The following IGSF11 variants were observed in gnomAD, a reference collection of about 807,000 sequenced individuals.
IGSF11 encodes the protein CXADR like 1.
A neutral mutation model predicts 41.0 loss-of-function variants in IGSF11; 22 were observed. The observed-to-expected ratio is 0.54, with a 90% CI of 0.38 to 0.77. IGSF11 has a LOEUF of 0.77. Among genes scored for constraint, IGSF11 ranks in the 30% least tolerant of loss-of-function variants. The pLI, the probability that IGSF11 is intolerant of heterozygous loss-of-function variation, is 0.00. For missense variants in IGSF11, 444 were observed against 530.8 expected (o/e 0.84, Z 1.61); for synonymous variants, 219 against 201.3 (o/e 1.09, Z -0.74).
At chr3:119,103,533 T>C (rs1278085124) in intron 1 of IGSF11, among the ~76,000 whole-genome samples, 2 of 152,186 alleles carry the variant, frequency 1.3e-5, no homozygotes, top group Admixed American at 1.3e-4. Context: ...AAGCCAAGAA[T>C]TTCTGGATTA....
At position 118,940,362 on chromosome 3, in the gene IGSF11, G is replaced by C. The variant is rs147910167; in HGVS notation, c.53-10087C>G. ...AGAAATCAAGGCTAATATACAAATA[G>C]CAACGATTTTTCTATACAGTAGCAA... On this transcript the variant is annotated intron_variant, in intron 1 of 6. Coordinates refer to ENST00000393775, the MANE Select transcript of IGSF11 (RefSeq NM_001015887.3). 8.7e-4 allele frequency among the ~76,000 whole-genome samples: 132 copies of C among 152,150 alleles called. No homozygotes were observed. The East Asian group carries it at 0.014, about 16-fold the overall frequency.
intron 1 of IGSF11, among the ~76,000 whole-genome samples, chr3:118,930,753 G>A (rs1490857834): frequency 2.6e-5 from 4 of 152,188 alleles, no homozygotes; most frequent in African/African-American, 9.7e-5. Flanking sequence ...AATAAATGCA[G>A]AGATATGTAA....
At chr3:119,141,979 T>A (rs1388233447) in intron 1 of IGSF11, among the ~76,000 whole-genome samples, 2 of 151,960 alleles carry the variant, frequency 1.3e-5, no homozygotes, top group African/African-American at 4.8e-5. Context: ...ATAATTAGTG[T>A]ATCAAAAAGT....
At chr3:118,994,684 T>C (rs549821530) in intron 1 of IGSF11, among the ~76,000 whole-genome samples, 31 of 152,312 alleles carry the variant, frequency 2.0e-4, no homozygotes, top group African/African-American at 7.5e-4. Flanking sequence ...ATAGTGGGCC[T>C]AATACCCAAG....
At chr3:118,944,519 TTTC>T (rs1363307118) in intron 1 of IGSF11, among the ~76,000 whole-genome samples, 1 of 149,504 alleles carries the variant, frequency 6.7e-6, no homozygotes, top group Non-Finnish European at 1.5e-5. Context: ...ATCCCTCTCA[TTTC>T]TACCCATCCT....
chr3:119,007,677 T>G (rs1937598604), intron 1 of IGSF11, among the ~76,000 whole-genome samples: 1 of 152,168 alleles, frequency 6.6e-6, no homozygotes, highest in Non-Finnish European at 1.5e-5. Flanking sequence ...CCATCCTTGC[T>G]TTAACCCATC....
intron 1 of IGSF11, among the ~76,000 whole-genome samples, chr3:118,991,242 T>C (rs1222045836): frequency 6.6e-6 from 1 of 152,192 alleles, no homozygotes; most frequent in Non-Finnish European, 1.5e-5. Context: ...ATATTCTGTA[T>C]CCCCACTAAC....
chr3:119,134,014 GC>G lies in IGSF11; in HGVS notation c.-14+11798del, dbSNP rs531745436. ...AAAAGGCCTTTGACAAAACTCAACA[GC>G]CCTTCATGCTAAAAACTCTCAATAA... On this transcript the variant is annotated intron_variant, in intron 1 of 7. Coordinates refer to the IGSF11 transcript ENST00000425327. Among the ~76,000 whole-genome samples, 4 of 152,154 alleles carry G rather than the reference GC, an allele frequency of 2.6e-5. No homozygotes were observed. In the South Asian group the frequency reaches 8.3e-4, roughly 32 times the overall value.
intron 1 of IGSF11, among the ~76,000 whole-genome samples, chr3:119,128,777 C>A (rs1158561318): frequency 6.6e-6 from 1 of 152,074 alleles, no homozygotes; most frequent in Non-Finnish European, 1.5e-5. Context: ...GAATCTAGAA[C>A]CAGAAATACC....
intron 1 of IGSF11, among the ~76,000 whole-genome samples, chr3:119,117,780 T>C (rs1173610373): frequency 6.6e-6 from 1 of 152,206 alleles, no homozygotes; most frequent in African/African-American, 2.4e-5. Flanking sequence ...GCAAGTTGGT[T>C]ACTTCCCAGA....
At chr3:118,989,413 C>T (rs555192870) in intron 1 of IGSF11, among the ~76,000 whole-genome samples, 9 of 151,880 alleles carry the variant, frequency 5.9e-5, no homozygotes, top group Admixed American at 5.2e-4. Flanking sequence ...AGTGCAGTGG[C>T]GCAATCTCAG....
chr3:118,912,582 G>T (rs1437988022), intron 4 of IGSF11, among the ~76,000 whole-genome samples: 1 of 152,064 alleles, frequency 6.6e-6, no homozygotes, highest in African/African-American at 2.4e-5. Context: ...CTCTAGAGCT[G>T]TTGGCAGAAA....
At chr3:118,971,759 C>T (rs140142219) in intron 1 of IGSF11, among the ~76,000 whole-genome samples, 1,770 of 149,650 alleles carry the variant, frequency 0.012, 40 homozygotes, top group African/African-American at 0.041. Context: ...GCTGAGATCA[C>T]GCCACTGCAC....
At chr3:118,916,078 G>A (rs1941047475) in intron 4 of IGSF11, among the ~76,000 whole-genome samples, 1 of 149,754 alleles carries the variant, frequency 6.7e-6, no homozygotes, top group Non-Finnish European at 1.5e-5. Flanking sequence ...TCACCACCAA[G>A]CCTGCCCTAA....
At chr3:118,969,956 G>C (rs905025712) in intron 1 of IGSF11, among the ~76,000 whole-genome samples, 12 of 151,864 alleles carry the variant, frequency 7.9e-5, no homozygotes, top group African/African-American at 2.7e-4. Flanking sequence ...GCTTTCTGTT[G>C]GCTACATCCA....
intron 1 of IGSF11, among the ~76,000 whole-genome samples, chr3:119,073,508 G>T (rs888855502): frequency 6.6e-6 from 1 of 152,214 alleles, no homozygotes; most frequent in South Asian, 2.1e-4. Context: ...ACCGTGGGGG[G>T]GCTCGGGCAT....
At chr3:118,990,190 T>C (rs1397855623) in intron 1 of IGSF11, among the ~76,000 whole-genome samples, 1 of 152,164 alleles carries the variant, frequency 6.6e-6, no homozygotes, top group African/African-American at 2.4e-5. Flanking sequence ...GAAGGATATA[T>C]TTATGTTTTC....
chr3:119,056,501 G>A (rs1162657830), intron 1 of IGSF11, among the ~76,000 whole-genome samples: 1 of 152,160 alleles, frequency 6.6e-6, no homozygotes, highest in Non-Finnish European at 1.5e-5. Context: ...ACCAAAAAAA[G>A]TCCAGGACCA....
chr3:119,109,882 C>T (rs2077114657), upstream of IGSF11, among the ~76,000 whole-genome samples: 1 of 152,138 alleles, frequency 6.6e-6, no homozygotes, highest in Admixed American at 6.5e-5. Flanking sequence ...TGTTCAGTTT[C>T]CATGTAGTTG....
Sources: allele counts gnomAD v4.1 joint callset (sites outside exome capture counted in the v4.1 genomes callset), GRCh38; gene constraint gnomAD v4.1.1; transcripts MANE v1.5; gene names NCBI Gene and HGNC (gene_info 2026-07-23, HGNC 2026-07-21).